The following SFTPA2 variants were observed in gnomAD, a reference collection of about 807,000 sequenced individuals.
SFTPA2 encodes the protein pulmonary surfactant-associated protein A2.
SFTPA2 carries 21 observed loss-of-function variants against 20.3 expected under a neutral mutation model. The ratio of observed to expected loss-of-function variants is 1.03; its 90% CI spans 0.73 to 1.49. The LOEUF is 1.49. Ranked by LOEUF, SFTPA2 falls within the 40% of genes most tolerant of loss-of-function variation. The pLI, the probability that SFTPA2 is intolerant of heterozygous loss-of-function variation, is 0.00. For missense variants in SFTPA2, 302 were observed against 314.8 expected, an observed-to-expected ratio of 0.96 and a Z score of 0.31; for synonymous variants, 116 against 118.7, an observed-to-expected ratio of 0.98 and a Z score of 0.15.
intron 4 of SFTPA2, 105 bp from the exon 5 acceptor site, chr10:79,558,234 A>C: frequency 6.2e-7 from 1 of 1,605,692 alleles, no homozygotes; most frequent in Non-Finnish European, 8.5e-7. Flanking sequence ...CTGCCCTTTC[A>C]TTGCTGTTAG....
Position 79,558,929 on chromosome 10 carries a change from TCCAGGGACA to T in SFTPA2, c.240_248del (p.Val81_Gly83del). 6.2e-7 allele frequency: 1 copy of T among 1,614,050 alleles called. No individual in the cohort carries two copies. Among genetic ancestry groups the T allele is most frequent in the Non-Finnish European group, 8.5e-7 (1 of 1,180,002 alleles). On this transcript the variant is annotated inframe_deletion, in exon 4 of 6. Transcript: ENST00000372325. ...CAGCCTCCCCCTTCTCTCCACGCTC[TCCAGGGACA>T]CCAGGGGCTCCAGGCAGCCCATTAT... is the stretch of plus-strand genomic sequence containing the variant.
Position 79,556,031 on chromosome 10 carries a change from T to G in SFTPA2, c.*1178A>C, listed in dbSNP as rs1224307292. 6.4e-6 allele frequency: 1 copy of G among 156,086 alleles called. No individual in the cohort carries two copies. The highest frequency in any genetic ancestry group is 1.5e-5 in the Non-Finnish European group (1 of 68,074). 9.7% of individuals were successfully genotyped at this position (156,086 alleles called of 1,614,324 possible). A position where few individuals can be genotyped will look rare whatever the true frequency, so the allele number is the denominator to read the frequency against. On this transcript the variant is annotated 3_prime_UTR_variant, in exon 6 of 6. Transcript: ENST00000372325. ...CATTTCACTCCTCTAAGCTTCAGTG[T>G]CCTTATAAAAAATTGGGTAAACAAT...
Position 79,557,148 on chromosome 10 carries a change from T to A in SFTPA2, c.*61A>T, listed in dbSNP as rs541346173. ...TCTAGCATCTCACAGACCAAGTGGATCCTGGGGATGGAAACTGAAGGCCAG... is the reference window on the plus strand; with the variant it reads ...TCTAGCATCTCACAGACCAAGTGGAACCTGGGGATGGAAACTGAAGGCCAG... On this transcript the variant is annotated 3_prime_UTR_variant, in exon 6 of 6. Coordinates refer to ENST00000372325, the MANE Select transcript of SFTPA2 (RefSeq NM_001098668.4). 1 of 1,613,690 alleles carries A rather than the reference T, an allele frequency of 6.2e-7. No individual in the cohort carries two copies. The highest frequency in any genetic ancestry group is 1.7e-4 in the Middle Eastern group (1 of 6,058).
chr10:79,559,777 G>C, intron 2 of SFTPA2, 192 bp downstream of exon 2: 1 of 1,488,106 alleles, frequency 6.7e-7, no homozygotes, highest in Non-Finnish European at 9.0e-7. Flanking sequence ...CAGGGACCTG[G>C]GCTCCAGTGC....
In SFTPA2 at chr10:79,556,927, A is replaced by G; in HGVS notation, c.*282T>C. On this transcript the variant is annotated 3_prime_UTR_variant, in exon 6 of 6. Coordinates refer to ENST00000372325, the MANE Select transcript of SFTPA2 (RefSeq NM_001098668.4). ...GTGAAGGAACTGGACCAGATGGGGA[A>G]TAAGGAGGCCTCCATCTCATGCCAA... 3.7e-6 allele frequency: 2 copies of G among 534,760 alleles called. No homozygotes were observed. Among genetic ancestry groups the G allele is most frequent in the Non-Finnish European group, 6.7e-6 (2 of 298,556 alleles). 33.1% of individuals were successfully genotyped at this position (534,760 alleles called of 1,614,324 possible).
At chr10:79,559,771 G>C (rs1347489799) in intron 2 of SFTPA2, 198 bp downstream of exon 2, 14 of 1,484,840 alleles carry the variant, frequency 9.4e-6, no homozygotes, top group African/African-American at 1.4e-5. Flanking sequence ...GGAGCCCAGG[G>C]ACCTGGGCTC....
rs767959341 is a variant in SFTPA2, at chr10:79,557,232, G to C, written c.724C>G (p.Arg242Gly). ...TCTCAGAACTCACAGATGGTCAGTC[G>C]GGAGTACAGGCAGTTCCTGTCATTC... ...QWNDRNCLYS[R>G]LTICEF The change falls in exon 6 of 6, where the codon CGA (arginine) becomes GGA (glycine). Residue 242 changes from arginine to glycine, a missense_variant. By Grantham distance (125) the Arg-to-Gly change is moderately radical. This residue lies in a region of SFTPA2 where 264 missense variants were observed against 261.7 expected (regional missense o/e 1.01). Transcript: ENST00000372325. 2.5e-6 allele frequency: 4 copies of C among 1,614,000 alleles called. No individual in the cohort carries two copies. Among genetic ancestry groups the C allele is most frequent in the East Asian group, 4.5e-5 (2 of 44,882 alleles).
At chr10:79,557,613 C>G in intron 5 of SFTPA2, 28 bp from the exon 6 acceptor site, 5 of 1,597,002 alleles carry the variant, frequency 3.1e-6, no homozygotes, top group Non-Finnish European at 4.3e-6. Flanking sequence ...CAGGTCAGGC[C>G]ACTGACCACT....
rs922997003 is a variant in SFTPA2 at position 79,557,155 on chromosome 10, G to C, written c.*54C>G. The C allele has an allele frequency of 1.2e-6, 2 of 1,613,834 alleles. No homozygotes were observed. The highest frequency in any genetic ancestry group is 2.7e-5 in the African/African-American group (2 of 74,912). On this transcript the variant is annotated 3_prime_UTR_variant, in exon 6 of 6. Transcript: ENST00000372325. ...TCTCACAGACCAAGTGGATCCTGGG[G>C]ATGGAAACTGAAGGCCAGACAGGAT... is the stretch of plus-strand genomic sequence containing the variant.
At position 79,558,957 on chromosome 10, in the gene SFTPA2, C is replaced by A. The variant is rs767208956; in HGVS notation, c.221G>T (p.Gly74Val). The change falls in exon 4 of 6, where the codon GGG (glycine) becomes GTG (valine). Residue 74 changes from glycine to valine, a missense_variant. Gly to Val is a moderately radical substitution (Grantham distance 109, BLOSUM62 -3). Transcript: ENST00000372325. ...AGGGACACCAGGGGCTCCAGGCAGC[C>A]CATTATTCCCAGGAGGACATGGTGT... ...GETPCPPGNNGLPGAPGVPGE... is the reference protein window; with the variant it reads ...GETPCPPGNNVLPGAPGVPGE... 1 of 1,614,120 alleles carries A rather than the reference C, an allele frequency of 6.2e-7. No homozygotes were observed. The highest frequency in any genetic ancestry group is 1.1e-5 in the South Asian group (1 of 91,072).
intron 2 of SFTPA2, 82 bp from the exon 3 acceptor site, chr10:79,559,588 G>A (rs1260560279): frequency 1.2e-5 from 20 of 1,600,224 alleles, no homozygotes; most frequent in Non-Finnish European, 1.3e-5. Flanking sequence ...TCAGGAAGCT[G>A]GGCAGAGCCC....
chr10:79,556,240 T>A lies in SFTPA2; in HGVS notation c.*969A>T, dbSNP rs1364803984. ...ATTGTGACAGCAACAAGTATTTTTA[T>A]CCCCATTTCACAGATGAAGATATAG... On this transcript the variant is annotated 3_prime_UTR_variant, in exon 6 of 6. Transcript: ENST00000372325. 6.0e-6 allele frequency: 1 copy of A among 167,812 alleles called. No individual in the cohort carries two copies. The highest frequency in any genetic ancestry group is 2.4e-5 in the African/African-American group (1 of 41,428). 10.4% of individuals were successfully genotyped at this position (167,812 alleles called of 1,614,324 possible).
intron 1 of SFTPA2, 100 bp downstream of exon 1, chr10:79,560,264 T>G (rs1196041908): frequency 6.5e-6 from 1 of 155,012 alleles, no homozygotes; most frequent in East Asian, 1.9e-4. Context: ...TTGCCCTCCT[T>G]CCCAACCTGG....
chr10:79,558,913 C>G lies in SFTPA2; in HGVS notation c.265G>C (p.Gly89Arg), dbSNP rs754731137. 1.9e-6 allele frequency: 3 copies of G among 1,614,152 alleles called. No individual in the cohort carries two copies. Among genetic ancestry groups the G allele is most frequent in the Non-Finnish European group, 2.5e-6 (3 of 1,180,030 alleles). ...GGAGGGCCTCTCTCGCCAGCCTCCCCCTTCTCTCCACGCTCTCCAGGGACA... is the reference window on the plus strand; with the variant it reads ...GGAGGGCCTCTCTCGCCAGCCTCCCGCTTCTCTCCACGCTCTCCAGGGACA... Reference protein sequence around the residue: ...PGVPGERGEKGEAGERGPPGL... With the variant: ...PGVPGERGEKREAGERGPPGL... The change falls in exon 4 of 6, where the codon GGG becomes CGG. Residue 89 changes from glycine (G) to arginine (R), a missense_variant. Gly to Arg is a moderately radical substitution (Grantham distance 125). This residue lies in a region of SFTPA2 where 264 missense variants were observed against 261.7 expected (regional missense o/e 1.01). Coordinates refer to ENST00000372325, the MANE Select transcript of SFTPA2 (RefSeq NM_001098668.4).
At position 79,557,315 on chromosome 10, in the gene SFTPA2, C is replaced by T. The variant is rs746363014; in HGVS notation, c.641G>A (p.Gly214Glu). The T allele has an allele frequency of 6.2e-7, 1 of 1,613,534 alleles. No individual in the cohort carries two copies. Among genetic ancestry groups the T allele is most frequent in the South Asian group, 1.1e-5 (1 of 91,082 alleles). Reference protein sequence around the residue: ...TPVNYTNWYRGEPAGRGKEQC... With the variant: ...TPVNYTNWYREEPAGRGKEQC... ...CTCTTTTCCCCGACCTGCAGGCTCC[C>T]CTCGGTACCAGTTGGTGTAGTTTAC... Residue 214 changes from glycine (G) to glutamate (E), a missense_variant, in exon 6 of 6, where the codon GGG (glycine) becomes GAG (glutamate). Physicochemically the swap from Gly to Glu is moderately conservative, Grantham distance 98 (BLOSUM62 -2). This residue lies in a region of SFTPA2 where 264 missense variants were observed against 261.7 expected (regional missense o/e 1.01). Coordinates refer to ENST00000372325, the MANE Select transcript of SFTPA2 (RefSeq NM_001098668.4).
chr10:79,560,112 G>T, intron 1 of SFTPA2, 114 bp from the exon 2 acceptor site: 1 of 794,848 alleles, frequency 1.3e-6, no homozygotes, highest in Non-Finnish European at 1.5e-6. Context: ...CTTGGGGTCT[G>T]TTCTCCCACT....
chr10:79,557,001 G>T lies in SFTPA2; in HGVS notation c.*208C>A. ...CTGGGGTGCAGTGCTGGGATGGTTTGCAAGGGGAGTGTCAAGGCTGGTCAG... is the reference window on the plus strand; with the variant it reads ...CTGGGGTGCAGTGCTGGGATGGTTTTCAAGGGGAGTGTCAAGGCTGGTCAG... On this transcript the variant is annotated 3_prime_UTR_variant, in exon 6 of 6. Transcript: ENST00000372325. The T allele has an allele frequency of 2.2e-6, 2 of 891,652 alleles. No individual in the cohort carries two copies. Among genetic ancestry groups the T allele is most frequent in the Non-Finnish European group, 3.4e-6 (2 of 592,672 alleles). 55.2% of individuals were successfully genotyped at this position (891,652 alleles called of 1,614,324 possible). A position where few individuals can be genotyped will look rare whatever the true frequency, so the allele number is the denominator to read the frequency against.
chr10:79,557,343 G>C lies in SFTPA2; in HGVS notation c.613C>G (p.Pro205Ala), dbSNP rs764783004. 6.8e-6 allele frequency: 11 copies of C among 1,614,002 alleles called. No homozygotes were observed. The highest frequency in any genetic ancestry group is 9.3e-6 in the Non-Finnish European group (11 of 1,180,018). ...PGDFRYSDGTPVNYTNWYRGE... is the reference protein window; with the variant it reads ...PGDFRYSDGTAVNYTNWYRGE... Reference sequence around the variant, plus strand: ...CGGTACCAGTTGGTGTAGTTTACAGGGGTCCCATCTGAGTAGCGGAAGTCT... The same window carrying C: ...CGGTACCAGTTGGTGTAGTTTACAGCGGTCCCATCTGAGTAGCGGAAGTCT... Residue 205 changes from proline (P) to alanine (A), a missense_variant, in exon 6 of 6, where the codon CCT (proline) becomes GCT (alanine). Coordinates refer to ENST00000372325, the MANE Select transcript of SFTPA2 (RefSeq NM_001098668.4).
intron 4 of SFTPA2, 181 bp from the exon 5 acceptor site, chr10:79,558,310 C>T (rs1170868988): frequency 2.1e-6 from 2 of 947,776 alleles, no homozygotes; most frequent in African/African-American, 3.6e-5. Flanking sequence ...CCCCGTGGTC[C>T]CCTATTCTTT....
Sources: gnomAD v4.1 joint callset for allele counts on GRCh38, gnomAD v4.1.1 for gene constraint, gnomAD v4.1.1 regional missense constraint, MANE v1.5 for transcripts, NCBI Gene and HGNC (gene_info 2026-07-23, HGNC 2026-07-21) for gene names.